Variants in DYNC2H1 observed in about 807,000 individuals in gnomAD.
The protein encoded by DYNC2H1 is dynein cytoplasmic 2 heavy chain 1, also known as cytoplasmic dynein 2 heavy chain 1.
In DYNC2H1, 410 loss-of-function variants were observed where a neutral mutation model predicts 570.0. The ratio of observed to expected loss-of-function variants is 0.72; its 90% CI spans 0.66 to 0.78. The LOEUF (loss-of-function observed/expected upper bound fraction) is 0.78. Among genes scored for constraint, DYNC2H1 ranks in the 30% least tolerant of loss-of-function variants. The pLI, the probability that DYNC2H1 is intolerant of heterozygous loss-of-function variation, is 0.00. For missense variants in DYNC2H1, 4,865 were observed against 5,046.4 expected (o/e 0.96, Z 1.09); for synonymous variants, 1,688 against 1,677.6 (o/e 1.01, Z -0.15).
intron 82 of DYNC2H1, among the ~76,000 whole-genome samples, chr11:103,351,587 G>C (rs1940057116): frequency 6.6e-6 from 1 of 151,698 alleles, no homozygotes; most frequent in African/African-American, 2.4e-5. Flanking sequence ...TAAATATTGA[G>C]AAGATTATAT....
chr11:103,347,934 G>T (rs879717292), intron 82 of DYNC2H1, among the ~76,000 whole-genome samples: 1 of 152,108 alleles, frequency 6.6e-6, no homozygotes, highest in African/African-American at 2.4e-5. Context: ...TCTCTTGAAA[G>T]GCAGTGGCAA....
intron 55 of DYNC2H1, 31 bp downstream of exon 55, chr11:103,215,889 A>G: frequency 6.2e-7 from 1 of 1,600,194 alleles, no homozygotes; most frequent in Non-Finnish European, 8.5e-7. Flanking sequence ...AAAAATGAAA[A>G]CAATATGGAG....
At chr11:103,187,660 T>G in intron 43 of DYNC2H1, 74 bp downstream of exon 43, 3 of 1,527,738 alleles carry the variant, frequency 2.0e-6, no homozygotes, top group Non-Finnish European at 2.6e-6. Flanking sequence ...TTAGAAAATA[T>G]TCATTCTTCA....
Position 103,256,387 on chromosome 11 carries a change from T to A in DYNC2H1, c.10461+147T>A. On this transcript the variant is annotated intron_variant, in intron 68 of 88. Transcript: ENST00000375735. The surrounding 1 kb of genome is among the most constrained non-coding windows in gnomAD (Gnocchi z 4.0). ...AAAACATCAGAACATTGGGTTTGATTCTAGTTATTGTAGAGAGGGAATTCA... is the reference window on the plus strand; with the variant it reads ...AAAACATCAGAACATTGGGTTTGATACTAGTTATTGTAGAGAGGGAATTCA... 1.2e-6 allele frequency: 1 copy of A among 825,190 alleles called. No individual in the cohort carries two copies. Among genetic ancestry groups the A allele is most frequent in the Non-Finnish European group, 1.8e-6 (1 of 551,740 alleles). 51.1% of individuals were successfully genotyped at this position (825,190 alleles called of 1,614,324 possible).
intron 86 of DYNC2H1, 99 bp downstream of exon 86, chr11:103,455,394 T>G: frequency 1.1e-6 from 1 of 885,816 alleles, no homozygotes; most frequent in South Asian, 1.5e-5. Flanking sequence ...AAGAAATAAA[T>G]TTATTATTGA....
rs1864478258 is a variant in DYNC2H1, at chr11:103,243,047, A to G, written c.9820-646A>G. Among the ~76,000 whole-genome samples the G allele has an allele frequency of 1.3e-5, 2 of 151,958 alleles. No individual in the cohort carries two copies. Among genetic ancestry groups the G allele is most frequent in the Non-Finnish European group, 2.9e-5 (2 of 67,990 alleles). On this transcript the variant is annotated intron_variant, in intron 63 of 88. Transcript: ENST00000375735. This position sits in a 1 kb window ranked among gnomAD's most constrained non-coding sequence, Gnocchi z 4.8. ...ATTAGTGCAGGATGTTCTATAATGA[A>G]TTTAGTTTTTAGTTCATTTCATTAG...
rs1864411247 is a variant in DYNC2H1 at position 103,241,210 on chromosome 11, T to C, written c.9820-2483T>C. Among the ~76,000 whole-genome samples, 1 of 152,232 alleles carries C rather than the reference T, an allele frequency of 6.6e-6. No individual in the cohort carries two copies. The highest frequency in any genetic ancestry group is 6.6e-5 in the Admixed American group (1 of 15,262). ...TAAAGTTATTGAGGTTAAGGGAATG[T>C]ATTTTCTTAATTTCTGTACTCCTTG... On this transcript the variant is annotated intron_variant, in intron 63 of 88. Coordinates refer to ENST00000375735, the MANE Select transcript of DYNC2H1 (RefSeq NM_001377.3). This position sits in a 1 kb window ranked among gnomAD's most constrained non-coding sequence, Gnocchi z 5.1.
At chr11:103,414,457 A>G (rs1020473882) in intron 84 of DYNC2H1, among the ~76,000 whole-genome samples, 6 of 152,142 alleles carry the variant, frequency 3.9e-5, no homozygotes, top group African/African-American at 1.4e-4. Flanking sequence ...TGTCTCTACT[A>G]AAAATACAAA....
chr11:103,303,972 G>A lies in DYNC2H1; in HGVS notation c.11257-623G>A, dbSNP rs1261644542. Among the ~76,000 whole-genome samples the A allele has an allele frequency of 1.3e-5, 2 of 151,704 alleles. 1 individual carries two copies. Among genetic ancestry groups the A allele is most frequent in the Non-Finnish European group, 2.9e-5 (2 of 67,906 alleles). The stretch of plus-strand genomic sequence containing the variant: ...AAATCCAGAAAATCTTGAGTAAAAT[G>A]TATTCATTGTAATGCCATTTTTTTT... On this transcript the variant is annotated intron_variant, in intron 76 of 88. Coordinates refer to ENST00000375735, the MANE Select transcript of DYNC2H1 (RefSeq NM_001377.3).
intron 85 of DYNC2H1, among the ~76,000 whole-genome samples, chr11:103,440,325 G>T (rs1944220983): frequency 6.6e-6 from 1 of 152,070 alleles, no homozygotes; most frequent in South Asian, 2.1e-4. Flanking sequence ...TGTTAAATTA[G>T]CATTAAGGTT....
At chr11:103,423,690 A>G (rs1270042298) in intron 84 of DYNC2H1, among the ~76,000 whole-genome samples, 1 of 151,956 alleles carries the variant, frequency 6.6e-6, no homozygotes, top group African/African-American at 2.4e-5. Context: ...CAAGACATAT[A>G]CTTAACAAAG....
intron 76 of DYNC2H1, among the ~76,000 whole-genome samples, chr11:103,304,275 A>C (rs985156233): frequency 5.3e-5 from 8 of 152,034 alleles, no homozygotes; most frequent in Non-Finnish European, 1.0e-4. Flanking sequence ...AAGTCTAGAG[A>C]GTTCTAGTCA....
intron 5 of DYNC2H1, among the ~76,000 whole-genome samples, chr11:103,117,409 A>T (rs1446869091): frequency 6.6e-6 from 1 of 151,556 alleles, no homozygotes; most frequent in Non-Finnish European, 1.5e-5. Flanking sequence ...GTAATGGTAT[A>T]TTGAAAATTG....
chr11:103,442,532 G>A (rs1944303011), intron 85 of DYNC2H1, among the ~76,000 whole-genome samples: 1 of 152,124 alleles, frequency 6.6e-6, no homozygotes, highest in East Asian at 1.9e-4. Flanking sequence ...TCCTTCGTAT[G>A]GCCAACTATC....
chr11:103,416,280 C>T (rs558499162), intron 84 of DYNC2H1, among the ~76,000 whole-genome samples: 1 of 151,952 alleles, frequency 6.6e-6, no homozygotes, highest in African/African-American at 2.4e-5. Flanking sequence ...GCACATGTAC[C>T]CTAGAACTTA....
At chr11:103,267,925 C>A (rs541877791) in intron 70 of DYNC2H1, among the ~76,000 whole-genome samples, 1 of 152,008 alleles carries the variant, frequency 6.6e-6, no homozygotes, top group East Asian at 1.9e-4. Flanking sequence ...ATGTTAACTT[C>A]ATTATTTTTA....
chr11:103,300,698 G>A (rs1867010548), intron 75 of DYNC2H1, among the ~76,000 whole-genome samples: 1 of 151,728 alleles, frequency 6.6e-6, no homozygotes, highest in Non-Finnish European at 1.5e-5. Flanking sequence ...ATATCCTGTG[G>A]GATTTTAAAA....
chr11:103,266,918 C>G (rs1397298433), intron 70 of DYNC2H1, among the ~76,000 whole-genome samples: 3 of 152,198 alleles, frequency 2.0e-5, no homozygotes, highest in Non-Finnish European at 4.4e-5. Flanking sequence ...AAACAGTTCC[C>G]TTAGAGCTAA....
intron 59 of DYNC2H1, 41 bp downstream of exon 59, chr11:103,223,127 T>A: frequency 6.6e-7 from 1 of 1,517,206 alleles, no homozygotes. Flanking sequence ...AACCTTTATT[T>A]TCATCAGTTT....
Sources: allele counts gnomAD v4.1 joint callset (sites outside exome capture counted in the v4.1 genomes callset), GRCh38; gene constraint gnomAD v4.1.1; non-coding constraint Gnocchi (gnomAD v3.1); transcripts MANE v1.5; gene names NCBI Gene and HGNC (gene_info 2026-07-23, HGNC 2026-07-21).